CNTNAP2: variants seen among roughly 807,000 people sequenced by gnomAD.
CNTNAP2 encodes contactin associated protein 2.
A neutral mutation model predicts 155.2 loss-of-function variants in CNTNAP2; 98 were observed. The ratio of observed to expected loss-of-function variants is 0.63; its 90% CI spans 0.54 to 0.75. The LOEUF (loss-of-function observed/expected upper bound fraction) is 0.75. Among genes scored for constraint, CNTNAP2 ranks in the 30% least tolerant of loss-of-function variants. The probability of loss-of-function intolerance (pLI) is 0.00; values close to 1 mark genes in which losing one functional copy is unlikely to be tolerated. For missense variants in CNTNAP2, 1,727 were observed against 1,688.1 expected, an observed-to-expected ratio of 1.02 and a Z score of -0.40; for synonymous variants, 651 against 631.2, an observed-to-expected ratio of 1.03 and a Z score of -0.47.
chr7:147,262,435 T>G (rs1485205764), intron 8 of CNTNAP2, among the ~76,000 whole-genome samples: 1 of 152,088 alleles, frequency 6.6e-6, no homozygotes, highest in East Asian at 1.9e-4. Context: ...TACGGTGTTC[T>G]CTAGTTCGGT....
Position 146,443,255 on chromosome 7 carries a change from A to AATAG in CNTNAP2, c.97+326286_97+326289dup, listed in dbSNP as rs1554434133. 8.3e-4 allele frequency among the ~76,000 whole-genome samples: 125 copies of AATAG among 150,550 alleles called. No homozygotes were observed. The South Asian group carries it at 9.0e-3, about 11-fold the overall frequency. Reference sequence around the variant, plus strand: ...TAATAAATAAATAAATAAATAAATAAATAGATAAATAAAAGCATGGTCAGG... The same window carrying AATAG: ...TAATAAATAAATAAATAAATAAATAAATAGATAGATAAATAAAAGCATGGTCAGG... On this transcript the variant is annotated intron_variant, in intron 1 of 23. Transcript: ENST00000361727.
rs1799709271 is a variant in CNTNAP2, at chr7:146,641,594, T to C, written c.98-132677T>C. On this transcript the variant is annotated intron_variant, in intron 1 of 23. Transcript: ENST00000361727. ...CTTCAATCTTTAGCTCTTTCTACTC[T>C]TTAATCTCTGGTTATGTGGGGTAAT... Among the ~76,000 whole-genome samples, 4 of 152,220 alleles carry C rather than the reference T, an allele frequency of 2.6e-5. No individual in the cohort carries two copies. In the South Asian group the frequency reaches 8.3e-4, roughly 32 times the overall value.
intron 15 of CNTNAP2, among the ~76,000 whole-genome samples, chr7:148,061,962 G>GATAGATAGATAGATAGATAAACAGAT (rs1563185456): frequency 2.3e-4 from 17 of 72,428 alleles, no homozygotes; most frequent in Admixed American, 2.7e-4. Flanking sequence ...GATATAGATA[G>GATAGATAGATAGATAGATAAACAGAT]ATAGATAGAT....
At chr7:147,737,955 C>G (rs1796885298) in intron 13 of CNTNAP2, among the ~76,000 whole-genome samples, 1 of 152,216 alleles carries the variant, frequency 6.6e-6, no homozygotes, top group Admixed American at 6.5e-5. Context: ...TCCCTGACCC[C>G]TTGCACTTCC....
At chr7:148,044,693 C>A (rs757665878) in intron 15 of CNTNAP2, 1 of 152,246 alleles carries the variant, frequency 6.6e-6, no homozygotes, top group Non-Finnish European at 1.5e-5. Flanking sequence ...GGCTTCCCAG[C>A]CTCCAGAACT....
intron 15 of CNTNAP2, among the ~76,000 whole-genome samples, chr7:148,106,495 T>TAGATAGATAGATAG (rs1396846974): frequency 1.3e-4 from 2 of 15,892 alleles, no homozygotes; most frequent in African/African-American, 1.6e-4. Context: ...CACTTTGAGA[T>TAGATAGATAGATAG]ATATATATAT....
At chr7:147,801,309 G>GTTTTTTTTTTTTTTTTTATTT (rs57750335) in intron 13 of CNTNAP2, among the ~76,000 whole-genome samples, 2 of 130,384 alleles carry the variant, frequency 1.5e-5, no homozygotes, top group Admixed American at 7.8e-5. Flanking sequence ...CTTCTATGAA[G>GTTTTTTTTTTTTTTTTTATTT]TTTTTTTTTT....
At chr7:146,651,701 T>A (rs1349918791) in intron 1 of CNTNAP2, among the ~76,000 whole-genome samples, 1 of 152,184 alleles carries the variant, frequency 6.6e-6, no homozygotes, top group Non-Finnish European at 1.5e-5. Context: ...ATTCTCTTAT[T>A]GCTGTCACTC....
At chr7:147,030,890 T>A (rs1799019579) in intron 3 of CNTNAP2, among the ~76,000 whole-genome samples, 2 of 152,144 alleles carry the variant, frequency 1.3e-5, no homozygotes, top group Admixed American at 1.3e-4. Flanking sequence ...CCTCAAAAAA[T>A]ATATATAATA....
At chr7:146,459,258 G>A (rs73738801) in intron 1 of CNTNAP2, among the ~76,000 whole-genome samples, 1 of 152,116 alleles carries the variant, frequency 6.6e-6, no homozygotes, top group Admixed American at 6.6e-5. Context: ...TTCCAAGAAG[G>A]AGAAAATATA....
intron 8 of CNTNAP2, among the ~76,000 whole-genome samples, chr7:147,268,748 A>G (rs1459301633): frequency 1.3e-5 from 2 of 152,206 alleles, no homozygotes; most frequent in Non-Finnish European, 2.9e-5. Flanking sequence ...TTTTAATGTC[A>G]TAAGAGATTT....
chr7:147,562,974 T>C (rs1800093042), intron 12 of CNTNAP2, among the ~76,000 whole-genome samples: 1 of 152,184 alleles, frequency 6.6e-6, no homozygotes, highest in African/African-American at 2.4e-5. Context: ...TGATGTGAAC[T>C]CCTGGGCATA....
At chr7:148,413,402 ATATATAT>A (rs1185715327) in intron 23 of CNTNAP2, among the ~76,000 whole-genome samples, 2,404 of 39,382 alleles carry the variant, frequency 0.061, 455 homozygotes, top group Middle Eastern at 0.095. Context: ...CAAAAAAAAA[ATATATAT>A]ATATATATAT....
intron 13 of CNTNAP2, among the ~76,000 whole-genome samples, chr7:147,801,502 G>A (rs1216395993): frequency 6.6e-6 from 1 of 151,704 alleles, no homozygotes; most frequent in Admixed American, 6.6e-5. Flanking sequence ...CTGGGTACTT[G>A]AGATTAGGGA....
At chr7:146,386,984 G>T (rs57202600) in intron 1 of CNTNAP2, among the ~76,000 whole-genome samples, 1 of 152,078 alleles carries the variant, frequency 6.6e-6, no homozygotes, top group Non-Finnish European at 1.5e-5. Flanking sequence ...AAGGGAGAAT[G>T]CCCCTAAAAT....
In CNTNAP2 at chr7:147,251,437, GGT is replaced by G. The variant is rs1491004784; in HGVS notation, c.1349-48703_1349-48702del. On this transcript the variant is annotated intron_variant, in intron 8 of 23. Coordinates refer to ENST00000361727, the MANE Select transcript of CNTNAP2 (RefSeq NM_014141.6). ...GTGGAATGTTTAGTCAAAACAGATAGGTAGGTAGGTAGGTAGGTAGGTAGGTT... is the reference window on the plus strand; with the variant it reads ...GTGGAATGTTTAGTCAAAACAGATAGAGGTAGGTAGGTAGGTAGGTAGGTT... 2.9e-4 allele frequency among the ~76,000 whole-genome samples: 43 copies of G among 150,350 alleles called. No homozygotes were observed. In the East Asian group the frequency reaches 4.3e-3, roughly 15 times the overall value.
intron 3 of CNTNAP2, among the ~76,000 whole-genome samples, chr7:146,879,746 A>G (rs763204728): frequency 1.2e-4 from 19 of 152,114 alleles, no homozygotes; most frequent in Non-Finnish European, 2.2e-4. Flanking sequence ...GTCAGTGCTC[A>G]GTGAATGTTA....
intron 21 of CNTNAP2, among the ~76,000 whole-genome samples, chr7:148,300,115 A>G (rs910842669): frequency 6.6e-6 from 1 of 152,200 alleles, no homozygotes; most frequent in Non-Finnish European, 1.5e-5. Context: ...AGCTGCTCCT[A>G]GTGTTTTTGC....
At chr7:148,187,142 A>AC (rs1795129202) in intron 18 of CNTNAP2, among the ~76,000 whole-genome samples, 2 of 149,740 alleles carry the variant, frequency 1.3e-5, no homozygotes, top group African/African-American at 5.0e-5. Context: ...ACACACACAC[A>AC]CACACAAACA....
Sources: gnomAD v4.1 joint callset for allele counts (sites outside exome capture counted in the v4.1 genomes callset) on GRCh38, gnomAD v4.1.1 for gene constraint, MANE v1.5 for transcripts, NCBI Gene and HGNC (gene_info 2026-07-23, HGNC 2026-07-21) for gene names.